PANK3: variants seen among roughly 807,000 people sequenced by gnomAD.
The protein encoded by PANK3 is hPanK3.
A neutral mutation model predicts 39.4 loss-of-function variants in PANK3; 20 were observed. The ratio of observed to expected loss-of-function variants is 0.51; its 90% CI spans 0.36 to 0.74. The LOEUF (loss-of-function observed/expected upper bound fraction) is 0.74. Ranked by LOEUF, PANK3 falls within the 30% of genes least tolerant of loss-of-function variation. The pLI is 0.00. For synonymous variants in PANK3, 140 were observed against 157.3 expected (o/e 0.89, Z 0.82); for missense variants, 265 against 437.0 (o/e 0.61, Z 3.51).
intron 2 of PANK3, among the ~76,000 whole-genome samples, chr5:168,568,310 T>C (rs1164114148): frequency 6.6e-6 from 1 of 152,214 alleles, no homozygotes; most frequent in African/African-American, 2.4e-5. Context: ...AAAAACCATG[T>C]AAATGTAGGA....
intron 1 of PANK3, among the ~76,000 whole-genome samples, chr5:168,571,046 A>G (rs976148479): frequency 6.6e-5 from 10 of 152,230 alleles, no homozygotes; most frequent in African/African-American, 2.2e-4. Context: ...ATGCTATTAA[A>G]AATTATATAC....
chr5:168,561,992 T>C (rs923621200), intron 4 of PANK3, among the ~76,000 whole-genome samples: 1 of 152,240 alleles, frequency 6.6e-6, no homozygotes, highest in Non-Finnish European at 1.5e-5. Flanking sequence ...ATTTCATATA[T>C]GTTCTATTAG....
chr5:168,574,027 A>T (rs552652056), intron 1 of PANK3, among the ~76,000 whole-genome samples: 1 of 151,572 alleles, frequency 6.6e-6, no homozygotes, highest in Middle Eastern at 3.4e-3. Flanking sequence ...CTTTGGGTAT[A>T]CACCCAGTAA....
intron 1 of PANK3, among the ~76,000 whole-genome samples, chr5:168,569,707 A>G (rs1199210478): frequency 1.3e-5 from 2 of 152,156 alleles, no homozygotes; most frequent in Admixed American, 1.3e-4. Flanking sequence ...TTAATACAAT[A>G]AAACTGGCCT....
intron 1 of PANK3, among the ~76,000 whole-genome samples, chr5:168,576,517 T>C (rs1470054905): frequency 1.3e-5 from 2 of 152,254 alleles, no homozygotes; most frequent in Non-Finnish European, 2.9e-5. Context: ...TAATTTCAAA[T>C]GCTAATCTTC....
chr5:168,579,279 T>G lies in PANK3; in HGVS notation c.5A>C (p.Lys2Thr). 6.7e-7 allele frequency: 1 copy of G among 1,497,920 alleles called. No individual in the cohort carries two copies. Among genetic ancestry groups the G allele is most frequent in the East Asian group, 2.7e-5 (1 of 36,934 alleles). The allele number at this position is 1,497,920 out of a possible 1,614,324, so 92.8% of individuals were successfully genotyped here. A position where few individuals can be genotyped will look rare whatever the true frequency, so the allele number is the denominator to read the frequency against. M[K>T]IKDAKKPSFP... ...ACAGGGTTTCTTGGCATCTTTGATC[T>G]TCATGGCGTCGGCCCGAGGGGCGAT... The change falls in exon 1 of 7, where the codon AAG (lysine) becomes ACG (threonine). Residue 2 changes from lysine to threonine, a missense_variant. By Grantham distance (78) the Lys-to-Thr change is moderately conservative (BLOSUM62 -1). Around this residue, in one of 3 missense-constraint regions of PANK3, gnomAD observed 154 missense variants for 256.8 expected, o/e 0.60. Coordinates refer to ENST00000239231, the MANE Select transcript of PANK3 (RefSeq NM_024594.4).
chr5:168,579,253 T>C lies in PANK3; in HGVS notation c.28+3A>G, dbSNP rs775014390. The stretch of plus-strand genomic sequence containing the variant: ...ACCTGGCGGGCCCCAGCCCCCGTCT[T>C]ACAGGGTTTCTTGGCATCTTTGATC... On this transcript the variant is annotated splice_donor_region_variant and intron_variant, in intron 1 of 6. Transcript: ENST00000239231. 1.9e-5 allele frequency: 28 copies of C among 1,496,370 alleles called. No individual in the cohort carries two copies. Among genetic ancestry groups the C allele is most frequent in the South Asian group, 1.4e-4 (11 of 77,284 alleles). The allele number at this position is 1,496,370 out of a possible 1,614,324, so 92.7% of individuals were successfully genotyped here.
At position 168,577,317 on chromosome 5, in the gene PANK3, A is replaced by G. The variant is rs144942548; in HGVS notation, c.28+1939T>C. On this transcript the variant is annotated intron_variant, in intron 1 of 6. Coordinates refer to ENST00000239231, the MANE Select transcript of PANK3 (RefSeq NM_024594.4). ...TATAAAAATGTTAGGCTTCTACACC[A>G]TAGTAACTGACCAGATTTTCAGCAT... Among the ~76,000 whole-genome samples the G allele has an allele frequency of 2.0e-3, 312 of 152,344 alleles. 1 individual carries two copies. The highest frequency in any genetic ancestry group is 7.3e-3 in the African/African-American group (303 of 41,570).
rs1250338163 is a variant in PANK3 at position 168,579,365 on chromosome 5, G to C, written c.-82C>G. ...CGGCGACTCCGGAGGTGGCTGGGCC[G>C]CGCGGCGAGGCCCGGCCGGTTCCTC... On this transcript the variant is annotated 5_prime_UTR_variant, in exon 1 of 7. Coordinates refer to ENST00000239231, the MANE Select transcript of PANK3 (RefSeq NM_024594.4). 4.2e-5 allele frequency: 51 copies of C among 1,210,902 alleles called. No individual in the cohort carries two copies. The highest frequency in any genetic ancestry group is 4.9e-5 in the Non-Finnish European group (45 of 925,866). The allele number at this position is 1,210,902 out of a possible 1,614,324, so 75.0% of individuals were successfully genotyped here.
intron 1 of PANK3, 85 bp downstream of exon 1, chr5:168,579,171 T>TG: frequency 7.8e-7 from 1 of 1,287,294 alleles, no homozygotes; most frequent in Admixed American, 3.6e-5. Flanking sequence ...GCGACGGGCT[T>TG]GGAAGCCGAC....
At chr5:168,579,221 C>T in intron 1 of PANK3, 35 bp downstream of exon 1, 1 of 1,480,504 alleles carries the variant, frequency 6.8e-7, no homozygotes, top group South Asian at 1.3e-5. Context: ...CCAAGGGTGC[C>T]CTCCCAACCT....
intron 5 of PANK3, among the ~76,000 whole-genome samples, chr5:168,559,573 G>A (rs1759410803): frequency 6.6e-6 from 1 of 151,988 alleles, no homozygotes; most frequent in East Asian, 1.9e-4. Context: ...AAAAAATAAA[G>A]TCTACTTTTA....
chr5:168,548,580 A>T lies in PANK3; in HGVS notation c.*8991T>A, dbSNP rs1759228704. ...CTATTTAGAATATGAACAAAATTAG[A>T]AATGGTTAAACTACAGAAAAAAAGG... On this transcript the variant is annotated 3_prime_UTR_variant, in exon 7 of 7. Transcript: ENST00000239231. The T allele has an allele frequency of 6.6e-6, 1 of 152,218 alleles. No homozygotes were observed. The highest frequency in any genetic ancestry group is 1.5e-5 in the Non-Finnish European group (1 of 68,036). 9.4% of individuals were successfully genotyped at this position (152,218 alleles called of 1,614,324 possible).
intron 5 of PANK3, chr5:168,560,995 C>T: frequency 2.0e-6 from 1 of 494,130 alleles, no homozygotes; most frequent in Non-Finnish European, 4.3e-6. Flanking sequence ...AAGAATTTCA[C>T]TAATCAAATG....
Position 168,568,862 on chromosome 5 carries a change from G to A in PANK3, c.165C>T (p.Asn55=), listed in dbSNP as rs1304741237. Residue 55 remains asparagine, a synonymous_variant, in exon 2 of 7, where the codon AAC becomes AAT. Transcript: ENST00000239231. ...LKSIRKYLTS[N]VAYGSTGIRD... ...GAATGCCGGTGGATCCATATGCCAC[G>A]TTAGAAGTCAAATATTTCCGAATAC... The A allele has an allele frequency of 3.1e-6, 5 of 1,613,706 alleles. No homozygotes were observed. Among genetic ancestry groups the A allele is most frequent in the East Asian group, 2.2e-5 (1 of 44,864 alleles).
At position 168,548,546 on chromosome 5, in the gene PANK3, T is replaced by C. The variant is rs1477532441; in HGVS notation, c.*9025A>G. The C allele has an allele frequency of 6.6e-6, 1 of 152,182 alleles. No homozygotes were observed. Among genetic ancestry groups the C allele is most frequent in the Non-Finnish European group, 1.5e-5 (1 of 68,032 alleles). 9.4% of individuals were successfully genotyped at this position (152,182 alleles called of 1,614,324 possible). On this transcript the variant is annotated 3_prime_UTR_variant, in exon 7 of 7. Transcript: ENST00000239231. ...AGAAAGTAGAAAATAAAAAGTATGATTCTAACATCTATTTAGAATATGAAC... is the reference window on the plus strand; with the variant it reads ...AGAAAGTAGAAAATAAAAAGTATGACTCTAACATCTATTTAGAATATGAAC...
chr5:168,578,590 C>A (rs1038919391), intron 1 of PANK3: 6 of 152,134 alleles, frequency 3.9e-5, no homozygotes, highest in African/African-American at 1.4e-4. Flanking sequence ...AAAGCATAGT[C>A]AGAATTTAAG....
chr5:168,573,583 C>T (rs930121095), intron 1 of PANK3, among the ~76,000 whole-genome samples: 1 of 151,742 alleles, frequency 6.6e-6, no homozygotes, highest in Non-Finnish European at 1.5e-5. Context: ...AGGTTAGTTA[C>T]ATATGTATAC....
At chr5:168,570,554 T>C (rs996854044) in intron 1 of PANK3, among the ~76,000 whole-genome samples, 4 of 152,050 alleles carry the variant, frequency 2.6e-5, no homozygotes, top group African/African-American at 9.7e-5. Context: ...TAAAATTTTA[T>C]ATAAGTATAG....
Sources: allele counts gnomAD v4.1 joint callset (sites outside exome capture counted in the v4.1 genomes callset), GRCh38; gene constraint gnomAD v4.1.1; regional missense constraint gnomAD v4.1.1; transcripts MANE v1.5; gene names NCBI Gene and HGNC (gene_info 2026-07-23, HGNC 2026-07-21).